UNC13C: variants seen among roughly 807,000 people sequenced by gnomAD.
The protein encoded by UNC13C is unc-13 homolog C, also known as protein unc-13 homolog C.
In UNC13C, 174 loss-of-function variants were observed where a neutral mutation model predicts 245.4. That is an observed-to-expected ratio of 0.71 (90% CI 0.63 to 0.80). UNC13C has a LOEUF of 0.80. UNC13C is among the 30% of genes least tolerant of loss of function. The pLI is 0.00. For missense variants in UNC13C, 2,829 were observed against 2,602.9 expected, an observed-to-expected ratio of 1.09 and a Z score of -1.89; for synonymous variants, 992 against 895.1, an observed-to-expected ratio of 1.11 and a Z score of -1.93.
intron 18 of UNC13C, among the ~76,000 whole-genome samples, chr15:54,394,445 C>T (rs1289932712): frequency 6.6e-6 from 1 of 151,788 alleles, no homozygotes; most frequent in Non-Finnish European, 1.5e-5. Flanking sequence ...AAGATCTTCT[C>T]TTAATCTATA....
rs1022286959 is a variant in UNC13C at position 54,323,625 on chromosome 15, C to T, written c.4425+1530C>T. 4.6e-5 allele frequency among the ~76,000 whole-genome samples: 7 copies of T among 152,108 alleles called. No individual in the cohort carries two copies. In the East Asian group the frequency reaches 1.4e-3, roughly 30 times the overall value. ...ACAGTATAACCTACAGTATCAGCTACTTTTGTTAGACAGATTGACTCTTGC... is the reference window on the plus strand; with the variant it reads ...ACAGTATAACCTACAGTATCAGCTATTTTTGTTAGACAGATTGACTCTTGC... On this transcript the variant is annotated intron_variant, in intron 14 of 32. Coordinates refer to ENST00000260323, the MANE Select transcript of UNC13C (RefSeq NM_001080534.3).
intron 13 of UNC13C, among the ~76,000 whole-genome samples, chr15:54,318,439 T>C (rs1407086632): frequency 6.6e-6 from 1 of 151,902 alleles, no homozygotes; most frequent in African/African-American, 2.4e-5. Flanking sequence ...TGAGGTAATA[T>C]CTGATGTGGT....
intron 10 of UNC13C, among the ~76,000 whole-genome samples, chr15:54,267,463 C>T (rs987256203): frequency 6.6e-6 from 1 of 151,632 alleles, no homozygotes; most frequent in Admixed American, 6.6e-5. Context: ...TTGTAGATGC[C>T]ATTTATCCAG....
chr15:54,145,768 C>T (rs577910677), intron 4 of UNC13C, among the ~76,000 whole-genome samples: 4 of 152,308 alleles, frequency 2.6e-5, no homozygotes, highest in African/African-American at 7.2e-5. Flanking sequence ...CTCCCTTCGC[C>T]TACAGCATCT....
At chr15:54,246,268 T>C (rs1263832868) in intron 7 of UNC13C, among the ~76,000 whole-genome samples, 1 of 152,230 alleles carries the variant, frequency 6.6e-6, no homozygotes, top group Admixed American at 6.5e-5. Flanking sequence ...TCCTCCCCAG[T>C]GTAGTCTATA....
intron 19 of UNC13C, among the ~76,000 whole-genome samples, chr15:54,428,179 T>G (rs1052195289): frequency 5.3e-5 from 8 of 151,828 alleles, no homozygotes; most frequent in African/African-American, 1.9e-4. Flanking sequence ...TTCTAAAACA[T>G]CTTTCTACTG....
chr15:53,846,720 G>A, the UNC13C span, among the ~76,000 whole-genome samples: 2 of 152,264 alleles, frequency 1.3e-5, no homozygotes, highest in East Asian at 3.9e-4. Context: ...CTATATAGAA[G>A]AGATACTTCA....
intron 30 of UNC13C, among the ~76,000 whole-genome samples, chr15:54,600,599 C>G (rs1899357271): frequency 6.6e-6 from 1 of 152,012 alleles, no homozygotes; most frequent in Non-Finnish European, 1.5e-5. Context: ...TTATAATTCA[C>G]TTTTTTGGTA....
chr15:53,849,094 A>T, the UNC13C span, among the ~76,000 whole-genome samples: 2 of 151,618 alleles, frequency 1.3e-5, no homozygotes, highest in South Asian at 2.1e-4. Context: ...TTATATATGT[A>T]TTTTTATATT....
At chr15:54,171,630 A>G (rs1281375859) in intron 4 of UNC13C, among the ~76,000 whole-genome samples, 1 of 152,124 alleles carries the variant, frequency 6.6e-6, no homozygotes, top group Non-Finnish European at 1.5e-5. Flanking sequence ...TGTGGAAAAA[A>G]GGGAATCCTC....
intron 4 of UNC13C, among the ~76,000 whole-genome samples, chr15:54,206,880 T>C (rs2034729905): frequency 6.6e-6 from 1 of 152,088 alleles, no homozygotes; most frequent in Admixed American, 6.6e-5. Flanking sequence ...ACACAATTCA[T>C]GAATGTCAGA....
intron 30 of UNC13C, among the ~76,000 whole-genome samples, chr15:54,590,248 C>T (rs1898714806): frequency 6.6e-6 from 1 of 152,000 alleles, no homozygotes. Flanking sequence ...GTTCTTTTTC[C>T]TTAGTCTTGC....
chr15:53,838,522 C>T, the UNC13C span, among the ~76,000 whole-genome samples: 1 of 152,012 alleles, frequency 6.6e-6, no homozygotes, highest in Non-Finnish European at 1.5e-5. Flanking sequence ...TTTAACTCAT[C>T]TGTTGAGACA....
At chr15:54,386,080 A>G (rs1024075027) in intron 17 of UNC13C, among the ~76,000 whole-genome samples, 3 of 152,166 alleles carry the variant, frequency 2.0e-5, no homozygotes, top group Non-Finnish European at 4.4e-5. Context: ...AGTTAGCTCC[A>G]TATTATTAAT....
chr15:53,887,200 ACTGT>A, the UNC13C span, among the ~76,000 whole-genome samples: 2 of 152,142 alleles, frequency 1.3e-5, no homozygotes, highest in Non-Finnish European at 2.9e-5. Context: ...GGTTATGGAA[ACTGT>A]CTGTACTATC....
At chr15:54,408,385 A>G (rs2040351397) in intron 18 of UNC13C, among the ~76,000 whole-genome samples, 1 of 151,908 alleles carries the variant, frequency 6.6e-6, no homozygotes, top group Non-Finnish European at 1.5e-5. Context: ...CTCATTGAAT[A>G]TTGTTTTTTC....
At chr15:54,527,768 C>G (rs886969945) in intron 25 of UNC13C, among the ~76,000 whole-genome samples, 8 of 152,110 alleles carry the variant, frequency 5.3e-5, no homozygotes, top group Non-Finnish European at 1.2e-4. Flanking sequence ...GAATTTAGTA[C>G]TCTGTTCAAT....
chr15:53,999,114 T>G (rs577247210), intron 1 of UNC13C, among the ~76,000 whole-genome samples: 1 of 152,174 alleles, frequency 6.6e-6, no homozygotes, highest in South Asian at 2.1e-4. Context: ...TGTGGCCAAA[T>G]AAAGCAATTG....
intron 18 of UNC13C, among the ~76,000 whole-genome samples, chr15:54,409,214 TTCATC>T (rs1306254354): frequency 6.6e-6 from 1 of 152,068 alleles, no homozygotes; most frequent in East Asian, 1.9e-4. Flanking sequence ...AAATTTCCCT[TTCATC>T]TCAGCCACTT....
Sources: allele counts gnomAD v4.1 joint callset (sites outside exome capture counted in the v4.1 genomes callset), GRCh38; gene constraint gnomAD v4.1.1; transcripts MANE v1.5; gene names NCBI Gene and HGNC (gene_info 2026-07-23, HGNC 2026-07-21).